Variants in SQLE observed in about 807,000 individuals in gnomAD.
SQLE encodes the protein squalene monooxygenase.
SQLE carries 29 observed loss-of-function variants against 60.7 expected under a neutral mutation model. The observed-to-expected ratio is 0.48, with a 90% CI of 0.36 to 0.65. SQLE has a LOEUF of 0.65. Among genes scored for constraint, SQLE ranks in the 30% least tolerant of loss-of-function variants. The pLI is 0.00. For missense variants in SQLE, 605 were observed against 684.1 expected (o/e 0.88, Z 1.29); for synonymous variants, 237 against 246.8 (o/e 0.96, Z 0.37).
chr8:125,001,288 A>T (rs1814844345), intron 1 of SQLE, among the ~76,000 whole-genome samples: 1 of 152,126 alleles, frequency 6.6e-6, no homozygotes, highest in Admixed American at 6.5e-5. Context: ...ACCAGCAATC[A>T]ATATTGGTTC....
chr8:125,013,641 C>A (rs901585559), intron 7 of SQLE, among the ~76,000 whole-genome samples: 4 of 152,132 alleles, frequency 2.6e-5, no homozygotes, highest in Non-Finnish European at 5.9e-5. Flanking sequence ...GCATGAGCCA[C>A]CATGCCTGGC....
Position 124,998,514 on chromosome 8 carries a change from G to A in SQLE, c.-890G>A, listed in dbSNP as rs999231208. ...GCCCGCCCAGCTGGCTGAGACGCGT[G>A]GAGCCTGGCGGCGAGTGGGGGCGTG... On this transcript the variant is annotated 5_prime_UTR_variant, in exon 1 of 11. Coordinates refer to ENST00000265896, the MANE Select transcript of SQLE (RefSeq NM_003129.4). The A allele has an allele frequency of 6.1e-6, 4 of 651,682 alleles. No homozygotes were observed. The highest frequency in any genetic ancestry group is 1.9e-5 in the African/African-American group (1 of 53,074). 40.4% of individuals were successfully genotyped at this position (651,682 alleles called of 1,614,324 possible).
In SQLE at chr8:124,999,464, A is replaced by G; in HGVS notation, c.61A>G (p.Ile21Val). The G allele has an allele frequency of 6.4e-7, 1 of 1,563,330 alleles. No homozygotes were observed. ...TTTTTATAAGAAGTTCGGGGACTTC[A>G]TCACTTTGGCCAACAGGGAGGTCCT... ...TYFYKKFGDF[I>V]TLANREVLLC... is the part of the protein sequence containing the mutation. Residue 21 changes from isoleucine (I) to valine (V), a missense_variant, in exon 1 of 11, where the codon ATC becomes GTC. Ile to Val is a conservative substitution (Grantham distance 29). Coordinates refer to ENST00000265896, the MANE Select transcript of SQLE (RefSeq NM_003129.4).
chr8:125,020,350 T>C (rs774078817), intron 9 of SQLE, among the ~76,000 whole-genome samples: 1 of 152,166 alleles, frequency 6.6e-6, no homozygotes, highest in Non-Finnish European at 1.5e-5. Context: ...TTTATAGATA[T>C]AAGGAATTAT....
At chr8:125,020,895 T>C (rs751442599) in intron 10 of SQLE, 24 bp downstream of exon 10, 1 of 1,555,756 alleles carries the variant, frequency 6.4e-7, no homozygotes, top group South Asian at 1.1e-5. Context: ...GCACAGAGGA[T>C]ACAAACCTGC....
rs1399030882 is a variant in SQLE at position 125,007,536 on chromosome 8, G to A, written c.822+49G>A. On this transcript the variant is annotated intron_variant, in intron 4 of 10. Coordinates refer to ENST00000265896, the MANE Select transcript of SQLE (RefSeq NM_003129.4). Reference sequence around the variant, plus strand: ...CTTCCTAAGAGATGTTGTTTTTCCTGCTTTTTCACTTACCCCTTTAAAAAA... The same window carrying A: ...CTTCCTAAGAGATGTTGTTTTTCCTACTTTTTCACTTACCCCTTTAAAAAA... 5 of 1,306,962 alleles carry A rather than the reference G, an allele frequency of 3.8e-6. No homozygotes were observed. In the Admixed American group the frequency reaches 9.4e-5, roughly 24 times the overall value. 81.0% of individuals were successfully genotyped at this position (1,306,962 alleles called of 1,614,324 possible). A position where few individuals can be genotyped will look rare whatever the true frequency, so the allele number is the denominator to read the frequency against.
intron 4 of SQLE, 42 bp from the exon 5 acceptor site, chr8:125,008,929 G>A: frequency 1.4e-6 from 2 of 1,389,958 alleles, no homozygotes; most frequent in Non-Finnish European, 1.9e-6. Flanking sequence ...TTTACTGTGT[G>A]TTTCTGACTA....
intron 6 of SQLE, 36 bp downstream of exon 6, chr8:125,009,379 T>G: frequency 6.4e-7 from 1 of 1,567,188 alleles, no homozygotes; most frequent in South Asian, 1.2e-5. Context: ...ACAAAGGCTG[T>G]GTCTAAAATA....
At position 124,999,646 on chromosome 8, in the gene SQLE, C is replaced by A. The variant is rs1396263861; in HGVS notation, c.243C>A (p.Ala81=). ...TGCCTTTCATTGGCTTCTTCTGGGCCAAATCCCCCCCTGAATCAGAAAATA... is the reference window on the plus strand; with the variant it reads ...TGCCTTTCATTGGCTTCTTCTGGGCAAAATCCCCCCCTGAATCAGAAAATA... ...SGLPFIGFFW[A]KSPPESENKE... The change falls in exon 1 of 11, where the codon GCC becomes GCA. Residue 81 remains alanine, a synonymous_variant. Transcript: ENST00000265896. 1 of 1,610,596 alleles carries A rather than the reference C, an allele frequency of 6.2e-7. No homozygotes were observed. The highest frequency in any genetic ancestry group is 1.7e-5 in the Admixed American group (1 of 59,370).
chr8:124,998,773 A>C lies in SQLE; in HGVS notation c.-631A>C, dbSNP rs1487112514. 1 of 498,202 alleles carries C rather than the reference A, an allele frequency of 2.0e-6. No homozygotes were observed. The highest frequency in any genetic ancestry group is 2.0e-5 in the African/African-American group (1 of 49,334). The allele number at this position is 498,202 out of a possible 1,614,324, so 30.9% of individuals were successfully genotyped here. On this transcript the variant is annotated 5_prime_UTR_variant, in exon 1 of 11. Coordinates refer to ENST00000265896, the MANE Select transcript of SQLE (RefSeq NM_003129.4). Reference sequence around the variant, plus strand: ...GCATTGCCCTGGAGCCGCACTCTTGAGTCCGAGGCCATCTTTTGTTGGAGA... The same window carrying C: ...GCATTGCCCTGGAGCCGCACTCTTGCGTCCGAGGCCATCTTTTGTTGGAGA...
chr8:125,012,808 C>T (rs1815056908), intron 7 of SQLE, among the ~76,000 whole-genome samples: 1 of 152,150 alleles, frequency 6.6e-6, no homozygotes, highest in Non-Finnish European at 1.5e-5. Flanking sequence ...TAGTAGTTCA[C>T]GTTTAACTTT....
chr8:125,002,981 T>C (rs1214168098), intron 1 of SQLE, among the ~76,000 whole-genome samples, 195 bp from the exon 2 acceptor site: 1 of 152,252 alleles, frequency 6.6e-6, no homozygotes, highest in Admixed American at 6.5e-5. Context: ...GACACACTTT[T>C]ATTTAACGAA....
chr8:125,020,696 G>T, intron 9 of SQLE, 88 bp from the exon 10 acceptor site: 1 of 796,022 alleles, frequency 1.3e-6, no homozygotes. Context: ...AAGATGTAGC[G>T]TTTGTTATTT....
At chr8:125,010,449 A>T (rs1815020867) in intron 6 of SQLE, among the ~76,000 whole-genome samples, 1 of 152,194 alleles carries the variant, frequency 6.6e-6, no homozygotes, top group Admixed American at 6.5e-5. Context: ...GTCAATTATG[A>T]TATGATTAGA....
chr8:125,007,537 C>T, intron 4 of SQLE, 50 bp downstream of exon 4: 1 of 1,272,656 alleles, frequency 7.9e-7, no homozygotes, highest in East Asian at 2.6e-5. Flanking sequence ...GTTTTTCCTG[C>T]TTTTTCACTT....
At chr8:125,004,228 T>C (rs1283928511) in intron 2 of SQLE, among the ~76,000 whole-genome samples, 3 of 152,260 alleles carry the variant, frequency 2.0e-5, no homozygotes, top group African/African-American at 4.8e-5. Flanking sequence ...TGTTTTTCAG[T>C]TGACTTCATA....
intron 7 of SQLE, among the ~76,000 whole-genome samples, chr8:125,012,815 C>A (rs972094094): frequency 2.6e-5 from 4 of 152,176 alleles, no homozygotes; most frequent in Non-Finnish European, 4.4e-5. Context: ...TCACGTTTAA[C>A]TTTTTGAGGA....
chr8:125,017,974 C>T (rs1218317367), intron 7 of SQLE, 85 bp from the exon 8 acceptor site: 2 of 1,397,884 alleles, frequency 1.4e-6, no homozygotes, highest in Admixed American at 4.5e-5. Context: ...TAGCTTACAT[C>T]AGTAATCTTT....
intron 1 of SQLE, among the ~76,000 whole-genome samples, chr8:125,001,626 G>A (rs1024776788): frequency 1.3e-5 from 2 of 151,212 alleles, no homozygotes; most frequent in Non-Finnish European, 2.9e-5. Context: ...GTAGAATATT[G>A]AGATCTTCCC....
Sources: allele counts gnomAD v4.1 joint callset (sites outside exome capture counted in the v4.1 genomes callset), GRCh38; gene constraint gnomAD v4.1.1; transcripts MANE v1.5; gene names NCBI Gene and HGNC (gene_info 2026-07-23, HGNC 2026-07-21).